The following PRH1 variants were observed in gnomAD, a reference collection of about 807,000 sequenced individuals.
The protein encoded by PRH1 is proline rich protein HaeIII subfamily 1.
Under a neutral mutation model 7.9 loss-of-function variants are expected in PRH1, and 7 were observed. The ratio of observed to expected loss-of-function variants is 0.89; its 90% confidence interval spans 0.50 to 1.67. The LOEUF (loss-of-function observed/expected upper bound fraction) is 1.67. PRH1 is among the 40% of genes most tolerant of loss of function. The pLI, the probability that PRH1 is intolerant of heterozygous loss-of-function variation, is 0.00. For missense variants in PRH1, 109 were observed against 223.6 expected (o/e 0.49, Z 3.27); for synonymous variants, 45 against 80.8 (o/e 0.56, Z 2.38).
intron 1 of PRH1, among the ~76,000 whole-genome samples, chr12:11,126,493 C>G (rs1031391): frequency 0.49 from 64,859 of 133,588 alleles, 13,273 homozygotes; most frequent in Non-Finnish European, 0.55. Flanking sequence ...TATTGTATGA[C>G]TATGCAATAA....
intron 1 of PRH1, among the ~76,000 whole-genome samples, chr12:11,112,466 G>A (rs759481453): frequency 2.6e-5 from 4 of 152,064 alleles, no homozygotes; most frequent in African/African-American, 4.8e-5. Context: ...AGATCAAGTC[G>A]TCTTCAACCC....
intron 2 of PRH1, chr12:10,939,244 G>A: frequency 8.1e-7 from 1 of 1,228,940 alleles, no homozygotes; most frequent in Non-Finnish European, 1.1e-6. Flanking sequence ...TAATATCACT[G>A]CTGAAGACTT....
chr12:10,917,557 A>G (rs1279371706), intron 2 of PRH1, among the ~76,000 whole-genome samples: 1 of 152,238 alleles, frequency 6.6e-6, no homozygotes, highest in Non-Finnish European at 1.5e-5. Flanking sequence ...GCCACAGGTG[A>G]TAACTTTCCA....
chr12:11,073,295 CA>C (rs531229998), intron 1 of PRH1, among the ~76,000 whole-genome samples: 965 of 82,690 alleles, frequency 0.012, 12 homozygotes, highest in Non-Finnish European at 0.016. Flanking sequence ...CCATGCCTGG[CA>C]ATTTTTTTTT....
intron 1 of PRH1, among the ~76,000 whole-genome samples, chr12:11,153,867 A>G (rs1947177285): frequency 6.6e-6 from 1 of 152,218 alleles, no homozygotes; most frequent in Admixed American, 6.5e-5. Flanking sequence ...TAACAATATA[A>G]TACATATAAT....
chr12:11,072,228 A>G (rs1255999844), intron 1 of PRH1, among the ~76,000 whole-genome samples: 1 of 152,268 alleles, frequency 6.6e-6, no homozygotes, highest in East Asian at 1.9e-4. Context: ...CTCAATAGAT[A>G]TTCCCAACTG....
chr12:11,061,469 G>C (rs1427441769), intron 1 of PRH1: 1 of 1,614,138 alleles, frequency 6.2e-7, no homozygotes, highest in South Asian at 1.1e-5. Flanking sequence ...AGGATGAATG[G>C]GTGGGTTGAA....
intron 2 of PRH1, chr12:10,929,171 G>A: frequency 6.7e-7 from 1 of 1,501,758 alleles, no homozygotes. Context: ...AGGCCCACCT[G>A]GTAGGGAGCT....
intron 1 of PRH1, chr12:11,061,812 GT>G: frequency 6.2e-7 from 1 of 1,614,160 alleles, no homozygotes; most frequent in Non-Finnish European, 8.5e-7. Context: ...TCCAAGTCAT[GT>G]TTCCTTCATA....
chr12:10,991,214 C>T (rs1018431830), intron 1 of PRH1, among the ~76,000 whole-genome samples: 5 of 151,882 alleles, frequency 3.3e-5, no homozygotes, highest in Admixed American at 3.3e-4. Flanking sequence ...TTATTTCATA[C>T]CATATATAAA....
chr12:10,997,268 C>A (rs1238316247), intron 1 of PRH1: 1 of 1,614,050 alleles, frequency 6.2e-7, no homozygotes, highest in Non-Finnish European at 8.5e-7. Context: ...CAGATGTTTA[C>A]ACAGAGAGTA....
chr12:10,937,204 TTCTCTCTCTCTC>T (rs61659284), intron 2 of PRH1, among the ~76,000 whole-genome samples: 3 of 147,206 alleles, frequency 2.0e-5, no homozygotes, highest in Middle Eastern at 3.2e-3. Context: ...GCAATTTTAT[TTCTCTCTCTCTC>T]TCTCTCTCTC....
At position 11,134,035 on chromosome 12, in the gene PRH1, C is replaced by A. The variant is rs551424741; in HGVS notation, n.40-12855G>T. 7.4e-5 allele frequency: 120 copies of A among 1,614,126 alleles called. 2 individuals are homozygous for A. The South Asian group carries it at 1.2e-3, about 16-fold the overall frequency. On this transcript the variant is annotated intron_variant and non_coding_transcript_variant, in intron 1 of 1. Transcript: ENST00000541175. Reference sequence around the variant, plus strand: ...CTACACTATAAAAAGCTGGATTCAACTGAGTTGCATACCAATGTAGTAATA... The same window carrying A: ...CTACACTATAAAAAGCTGGATTCAAATGAGTTGCATACCAATGTAGTAATA...
At chr12:10,928,652 G>A (rs1198607243) in intron 2 of PRH1, among the ~76,000 whole-genome samples, 2 of 152,246 alleles carry the variant, frequency 1.3e-5, no homozygotes, top group East Asian at 3.8e-4. Context: ...TGAGGAGGCT[G>A]CGGGGCAGCC....
At chr12:10,911,365 G>A (rs1949896833) in intron 2 of PRH1, among the ~76,000 whole-genome samples, 1 of 152,140 alleles carries the variant, frequency 6.6e-6, no homozygotes, top group African/African-American at 2.4e-5. Flanking sequence ...TTTTCCTGGT[G>A]TGTTTCCATA....
rs542205273 is a variant in PRH1, at chr12:10,966,019, A to T, written c.-59+7636T>A. 4.6e-5 allele frequency among the ~76,000 whole-genome samples: 7 copies of T among 152,330 alleles called. No individual in the cohort carries two copies. The South Asian group carries it at 1.4e-3, about 32-fold the overall frequency. ...ATAAAACATACACACATAGACAGAC[A>T]CACACACATACACATACCCATCCAG... On this transcript the variant is annotated intron_variant, in intron 2 of 3. Transcript: ENST00000539853.
chr12:11,020,913 A>G (rs1184961925), intron 1 of PRH1, among the ~76,000 whole-genome samples: 1 of 152,174 alleles, frequency 6.6e-6, no homozygotes, highest in Admixed American at 6.5e-5. Flanking sequence ...TTTAATTCAA[A>G]AAGTGGAAGC....
At chr12:10,996,468 A>C (rs1369803408) in intron 1 of PRH1, 2 of 152,314 alleles carry the variant, frequency 1.3e-5, no homozygotes, top group African/African-American at 4.8e-5. Flanking sequence ...AAACAGTTAA[A>C]CACACTATGG....
intron 1 of PRH1, among the ~76,000 whole-genome samples, chr12:11,170,604 G>T (rs140259951): frequency 6.6e-6 from 1 of 152,324 alleles, no homozygotes; most frequent in African/African-American, 2.4e-5. Flanking sequence ...AGCTCTTGGA[G>T]CCTAGCCACA....
Sources: allele counts gnomAD v4.1 joint callset (sites outside exome capture counted in the v4.1 genomes callset), GRCh38; gene constraint gnomAD v4.1.1; transcripts MANE v1.5; gene names NCBI Gene and HGNC (gene_info 2026-07-23, HGNC 2026-07-21).